The following SSBP4 variants were observed in gnomAD, a reference collection of about 807,000 sequenced individuals.
SSBP4 encodes the protein single-stranded DNA-binding protein 4.
SSBP4 carries 33 observed loss-of-function variants against 64.6 expected under a neutral mutation model. That is an observed-to-expected ratio of 0.51 (90% confidence interval 0.39 to 0.68). The LOEUF (loss-of-function observed/expected upper bound fraction) is 0.68. SSBP4 is among the 30% of genes least tolerant of loss of function. SSBP4 has a pLI of 0.00. For missense variants in SSBP4, 583 were observed against 566.8 expected (o/e 1.03, Z -0.29); for synonymous variants, 243 against 224.0 (o/e 1.08, Z -0.76).
chr19:18,407,931 G>T, the SSBP4 span, among the ~76,000 whole-genome samples: 1 of 152,014 alleles, frequency 6.6e-6, no homozygotes, highest in East Asian at 1.9e-4. Context: ...TTCTGGTAGA[G>T]ACAGGGTTTC....
Position 18,427,784 on chromosome 19 carries a change from GC to G in SSBP4, c.170del (p.Pro57LeufsTer83). The G allele has an allele frequency of 1.2e-6, 2 of 1,605,026 alleles. No homozygotes were observed. Among genetic ancestry groups the G allele is most frequent in the Non-Finnish European group, 1.7e-6 (2 of 1,172,856 alleles). On this transcript the variant is annotated frameshift_variant, in exon 3 of 18. Coordinates refer to ENST00000270061, the MANE Select transcript of SSBP4 (RefSeq NM_032627.5). This position sits in a 1 kb window ranked among gnomAD's most constrained non-coding sequence, Gnocchi z 4.4. ...RWEKNITLGEPPGFLHSWWCV... is the reference protein window; with the variant it reads ...RWEKNITLGEXPGFLHSWWCV... ...GGGAGAAGAACATCACGCTGGGGGA[GC>G]CCCCTGGGTTCCTGCACTCCTGGTG...
intron 5 of SSBP4, 61 bp from the exon 6 acceptor site, chr19:18,431,292 C>T: frequency 1.6e-6 from 1 of 626,118 alleles, no homozygotes; most frequent in Non-Finnish European, 2.9e-6. Context: ...AGCCCCTCCC[C>T]TCCTCAGCCA....
At chr19:18,409,555 C>G in the SSBP4 span, among the ~76,000 whole-genome samples, 1 of 151,890 alleles carries the variant, frequency 6.6e-6, no homozygotes, top group South Asian at 2.1e-4. Context: ...ATGCCATGGC[C>G]AAAAAATTAG....
At chr19:18,409,756 G>A in the SSBP4 span, among the ~76,000 whole-genome samples, 8 of 152,194 alleles carry the variant, frequency 5.3e-5, no homozygotes, top group Admixed American at 3.9e-4. Flanking sequence ...CTGGCCTCAC[G>A]TGATCCTCCC....
intron 4 of SSBP4, among the ~76,000 whole-genome samples, chr19:18,428,896 C>G (rs1973073830): frequency 6.6e-6 from 1 of 152,204 alleles, no homozygotes; most frequent in African/African-American, 2.4e-5. Flanking sequence ...ATCTGGGGCC[C>G]CGGGGGTGTC....
chr19:18,410,057 G>A, the SSBP4 span, among the ~76,000 whole-genome samples: 1 of 152,038 alleles, frequency 6.6e-6, no homozygotes, highest in Non-Finnish European at 1.5e-5. Context: ...GCAGTGGCAC[G>A]ATCTCGGCTC....
Position 18,424,000 on chromosome 19 carries a change from G to A in SSBP4, c.60-3351G>A, listed in dbSNP as rs1972657033. Among the ~76,000 whole-genome samples the A allele has an allele frequency of 6.6e-6, 1 of 152,208 alleles. No homozygotes were observed. The highest frequency in any genetic ancestry group is 2.4e-5 in the African/African-American group (1 of 41,442). ...CCGGAGCAGTCCTCTGGGAGGGGAG[G>A]ACCTTGTAGGTCCCAAAACTCCCTG... On this transcript the variant is annotated intron_variant, in intron 1 of 17. Coordinates refer to ENST00000270061, the MANE Select transcript of SSBP4 (RefSeq NM_032627.5). This position sits in a 1 kb window ranked among gnomAD's most constrained non-coding sequence, Gnocchi z 4.0.
At chr19:18,430,666 C>T (rs1461275763) in intron 4 of SSBP4, among the ~76,000 whole-genome samples, 175 bp from the exon 5 acceptor site, 2 of 152,158 alleles carry the variant, frequency 1.3e-5, no homozygotes, top group African/African-American at 2.4e-5. Context: ...GATCCTGCGT[C>T]CTACAGGGTC....
At position 18,431,670 on chromosome 19, in the gene SSBP4, AG is replaced by A; in HGVS notation, c.464del (p.Gly155AlafsTer46). On this transcript the variant is annotated frameshift_variant, in exon 7 of 18. Transcript: ENST00000270061. LOFTEE classifies it high-confidence loss of function. ...GQPFMSPRFP[G>X]GPRPTLRMPS... is the part of the protein sequence containing the mutation. ...AGCCCTTCATGTCACCGCGCTTCCC[AG>A]GGGGCCCCCGGCCCACCCTGCGGAT... The A allele has an allele frequency of 6.4e-7, 1 of 1,552,926 alleles. No individual in the cohort carries two copies. The highest frequency in any genetic ancestry group is 8.7e-7 in the Non-Finnish European group (1 of 1,148,828).
At chr19:18,430,996 G>C (rs118139881) in intron 5 of SSBP4, 66 bp downstream of exon 5, 3 of 1,548,878 alleles carry the variant, frequency 1.9e-6, no homozygotes, top group Non-Finnish European at 1.8e-6. Context: ...GGGTGGGGGG[G>C]GTCCCACGTG....
In SSBP4 at chr19:18,432,896, A is replaced by G; in HGVS notation, c.841+13A>G. 6.2e-7 allele frequency: 1 copy of G among 1,613,884 alleles called. No individual in the cohort carries two copies. Among genetic ancestry groups the G allele is most frequent in the Non-Finnish European group, 8.5e-7 (1 of 1,179,888 alleles). On this transcript the variant is annotated intron_variant, in intron 13 of 17. Coordinates refer to ENST00000270061, the MANE Select transcript of SSBP4 (RefSeq NM_032627.5). Reference sequence around the variant, plus strand: ...CCTAGCCCTGGAGGTATGGCCTAGTAAGAGGTGGGGGTGTGCTAGGGTGGG... The same window carrying G: ...CCTAGCCCTGGAGGTATGGCCTAGTGAGAGGTGGGGGTGTGCTAGGGTGGG...
chr19:18,418,798 C>T (rs1485483197), upstream of SSBP4: 2 of 206,108 alleles, frequency 9.7e-6, no homozygotes, highest in East Asian at 1.9e-4. This position sits in a 1 kb window ranked among gnomAD's most constrained non-coding sequence, Gnocchi z 6.7. Context: ...GCTCTGTCCA[C>T]GGCTGTTGGA....
At chr19:18,433,342 G>A in intron 15 of SSBP4, 129 bp downstream of exon 15, 2 of 1,330,472 alleles carry the variant, frequency 1.5e-6, no homozygotes, top group South Asian at 1.4e-5. Flanking sequence ...CCCGGGGGCC[G>A]CTCAGTGACA....
intron 1 of SSBP4, among the ~76,000 whole-genome samples, chr19:18,420,399 G>C (rs986197642): frequency 1.3e-5 from 2 of 152,082 alleles, no homozygotes; most frequent in Non-Finnish European, 2.9e-5. Flanking sequence ...TCTGAAGCTG[G>C]TAGGGGCAGG....
At chr19:18,433,532 G>T in intron 15 of SSBP4, 53 bp from the exon 16 acceptor site, 1 of 1,545,126 alleles carries the variant, frequency 6.5e-7, no homozygotes. Flanking sequence ...GGAGGCCGAG[G>T]GGCATGGCGC....
At chr19:18,432,277 G>T (rs983576449) in intron 10 of SSBP4, 63 bp downstream of exon 10, 34 of 1,582,724 alleles carry the variant, frequency 2.1e-5, no homozygotes, top group African/African-American at 2.7e-5. Context: ...TCATGGCTGG[G>T]TCAGCTGGGG....
upstream of SSBP4, among the ~76,000 whole-genome samples, chr19:18,414,307 TCA>T (rs1025216026): frequency 1.3e-5 from 2 of 152,140 alleles, no homozygotes; most frequent in Non-Finnish European, 2.9e-5. Context: ...TTTACGAGCC[TCA>T]GTTTCCCCAT....
the SSBP4 span, among the ~76,000 whole-genome samples, chr19:18,410,845 T>C: frequency 6.6e-6 from 1 of 152,128 alleles, no homozygotes; most frequent in East Asian, 1.9e-4. Context: ...GGCAACTCCG[T>C]AGACCACACA....
At chr19:18,414,975 T>G (rs545832986), upstream of SSBP4, among the ~76,000 whole-genome samples, 3 of 152,146 alleles carry the variant, frequency 2.0e-5, no homozygotes, top group African/African-American at 7.2e-5. Context: ...AAACCCTAGC[T>G]GGCTGTCCAA....
Sources: allele counts gnomAD v4.1 joint callset (sites outside exome capture counted in the v4.1 genomes callset), GRCh38; gene constraint gnomAD v4.1.1; non-coding constraint Gnocchi (gnomAD v3.1); transcripts MANE v1.5; gene names NCBI Gene and HGNC (gene_info 2026-07-23, HGNC 2026-07-21).